The following TRPS1 variants were observed in gnomAD, a reference collection of about 807,000 sequenced individuals.
TRPS1 encodes transcriptional repressor GATA binding 1, also known as zinc finger transcription factor Trps1.
TRPS1 carries 6 observed loss-of-function variants against 101.2 expected under a neutral mutation model. The ratio of observed to expected loss-of-function variants is 0.06; its 90% CI spans 0.03 to 0.12. The LOEUF (loss-of-function observed/expected upper bound fraction) is 0.12. Ranked by LOEUF, TRPS1 falls within the 10% of genes least tolerant of loss-of-function variation. TRPS1 has a pLI of 1.00. For missense variants in TRPS1, 1,363 were observed against 1,567.0 expected (o/e 0.87, Z 2.20); for synonymous variants, 578 against 589.8 (o/e 0.98, Z 0.29).
chr8:115,667,799 G>T, intron 1 of TRPS1: 1 of 1,523,620 alleles, frequency 6.6e-7, no homozygotes, highest in South Asian at 1.2e-5. Flanking sequence ...GTCCTGTGCT[G>T]TTTTCCCACT....
At chr8:115,623,032 T>C (rs1456350197) in intron 2 of TRPS1, among the ~76,000 whole-genome samples, 2 of 152,154 alleles carry the variant, frequency 1.3e-5, no homozygotes, top group Non-Finnish European at 2.9e-5. Context: ...TAATGGGTCA[T>C]AGTTTAAAGA....
At position 115,410,964 on chromosome 8, in the gene TRPS1, C is replaced by A. The variant is rs1812775260; in HGVS notation, c.*3059G>T. ...ATTTAAGATAAAATAATTCAGAAATCTTAAATTAAAAAAATAAATTTTATA... is the reference window on the plus strand; with the variant it reads ...ATTTAAGATAAAATAATTCAGAAATATTAAATTAAAAAAATAAATTTTATA... On this transcript the variant is annotated 3_prime_UTR_variant, in exon 7 of 7. Transcript: ENST00000395715. The A allele has an allele frequency of 6.6e-6, 1 of 151,202 alleles. No individual in the cohort carries two copies. Among genetic ancestry groups the A allele is most frequent in the Non-Finnish European group, 1.5e-5 (1 of 67,812 alleles). 9.4% of individuals were successfully genotyped at this position (151,202 alleles called of 1,614,324 possible).
rs1024926339 is a variant in TRPS1 at position 115,547,199 on chromosome 8, C to G, written c.2700+39802G>C. On this transcript the variant is annotated intron_variant, in intron 5 of 6. Coordinates refer to ENST00000395715, the MANE Select transcript of TRPS1 (RefSeq NM_014112.5). ...TTAAAAGATGCTTTTATTACCCATA[C>G]TTTGTTAAACTGACTTTCTAAGCAT... 2.0e-5 allele frequency among the ~76,000 whole-genome samples: 3 copies of G among 152,058 alleles called. No homozygotes were observed. In the East Asian group the frequency reaches 5.8e-4, roughly 29 times the overall value.
chr8:115,413,929 G>A lies in TRPS1; in HGVS notation c.*94C>T. Reference sequence around the variant, plus strand: ...TGTTGGATAAGGCAGGCTCTATGAAGTATTTTTTTAATAGGTCTTCATAAG... The same window carrying A: ...TGTTGGATAAGGCAGGCTCTATGAAATATTTTTTTAATAGGTCTTCATAAG... On this transcript the variant is annotated 3_prime_UTR_variant, in exon 7 of 7. Coordinates refer to ENST00000395715, the MANE Select transcript of TRPS1 (RefSeq NM_014112.5). 1 of 1,292,480 alleles carries A rather than the reference G, an allele frequency of 7.7e-7. No homozygotes were observed. Among genetic ancestry groups the A allele is most frequent in the Non-Finnish European group, 1.1e-6 (1 of 928,114 alleles). 80.1% of individuals were successfully genotyped at this position (1,292,480 alleles called of 1,614,324 possible). A position where few individuals can be genotyped will look rare whatever the true frequency, so the allele number is the denominator to read the frequency against.
intron 1 of TRPS1, among the ~76,000 whole-genome samples, chr8:115,641,600 A>C (rs1818896534): frequency 6.6e-6 from 1 of 152,188 alleles, no homozygotes; most frequent in African/African-American, 2.4e-5. Context: ...ATTGAAAAAC[A>C]ACTGTGATAT....
At chr8:115,484,638 C>A (rs1814834032) in intron 5 of TRPS1, among the ~76,000 whole-genome samples, 1 of 152,102 alleles carries the variant, frequency 6.6e-6, no homozygotes, top group South Asian at 2.1e-4. Flanking sequence ...AAAAGAGCTT[C>A]AAAAATGACT....
At position 115,498,433 on chromosome 8, in the gene TRPS1, A is replaced by C. The variant is rs1413204648; in HGVS notation, c.2701-79981T>G. Among the ~76,000 whole-genome samples the C allele has an allele frequency of 3.8e-3, 506 of 132,048 alleles. 4 individuals are homozygous for C. Among genetic ancestry groups the C allele is most frequent in the African/African-American group, 0.013 (447 of 35,096 alleles). 86.6% of individuals were successfully genotyped at this position (132,048 alleles called of 152,430 possible). A position where few individuals can be genotyped will look rare whatever the true frequency, so the allele number is the denominator to read the frequency against. On this transcript the variant is annotated intron_variant, in intron 5 of 6. Transcript: ENST00000395715. ...TCTCTCTCTATATATATATATATATATATATATATATATATATAGTTGATT... is the reference window on the plus strand; with the variant it reads ...TCTCTCTCTATATATATATATATATCTATATATATATATATATAGTTGATT...
intron 5 of TRPS1, among the ~76,000 whole-genome samples, chr8:115,566,405 C>A (rs1215552684): frequency 2.0e-5 from 3 of 152,104 alleles, no homozygotes; most frequent in South Asian, 4.1e-4. Flanking sequence ...GGAAGTGATG[C>A]AGATCTAGAA....
intron 5 of TRPS1, among the ~76,000 whole-genome samples, chr8:115,508,237 T>A (rs1815494733): frequency 6.6e-6 from 1 of 152,108 alleles, no homozygotes; most frequent in African/African-American, 2.4e-5. Context: ...TTGATGTATA[T>A]CACAAATATA....
chr8:115,484,264 A>G (rs1214320147), intron 5 of TRPS1, among the ~76,000 whole-genome samples: 1 of 152,216 alleles, frequency 6.6e-6, no homozygotes, highest in Non-Finnish European at 1.5e-5. Flanking sequence ...AAGCTTAAAA[A>G]AAAATCTGTT....
At chr8:115,575,802 G>A (rs1400320076) in intron 5 of TRPS1, among the ~76,000 whole-genome samples, 3 of 152,218 alleles carry the variant, frequency 2.0e-5, no homozygotes, top group South Asian at 4.1e-4. Context: ...ATTTCAGTGG[G>A]ATGAAACTGA....
At chr8:115,663,721 G>GAAAAAAAAAAA (rs1201864123) in intron 1 of TRPS1, among the ~76,000 whole-genome samples, 2 of 76,780 alleles carry the variant, frequency 2.6e-5, no homozygotes, top group African/African-American at 7.2e-5. Flanking sequence ...CTTGGAAAAG[G>GAAAAAAAAAAA]AAAAAAAAAA....
At chr8:115,495,488 T>C (rs1815127323) in intron 5 of TRPS1, among the ~76,000 whole-genome samples, 1 of 148,880 alleles carries the variant, frequency 6.7e-6, no homozygotes, top group Admixed American at 6.7e-5. Context: ...ATTTAAATTA[T>C]ATATAAATTT....
intron 5 of TRPS1, among the ~76,000 whole-genome samples, chr8:115,536,870 T>C (rs1816337868): frequency 6.6e-6 from 1 of 151,676 alleles, no homozygotes; most frequent in Non-Finnish European, 1.5e-5. Context: ...AATATTAACA[T>C]AAATTTGAAG....
At chr8:115,542,113 A>G (rs1432439138) in intron 5 of TRPS1, among the ~76,000 whole-genome samples, 1 of 152,266 alleles carries the variant, frequency 6.6e-6, no homozygotes, top group African/African-American at 2.4e-5. Flanking sequence ...GTCACATCAC[A>G]GCACAATAAG....
chr8:115,428,473 C>T (rs926673212), intron 5 of TRPS1, among the ~76,000 whole-genome samples: 10 of 152,156 alleles, frequency 6.6e-5, no homozygotes, highest in Admixed American at 1.3e-4. Flanking sequence ...GATGTTAAAA[C>T]GCAGCCTTGA....
chr8:115,475,270 ATATATAT>A (rs1563757459), intron 5 of TRPS1, among the ~76,000 whole-genome samples: 6 of 24,614 alleles, frequency 2.4e-4, no homozygotes, highest in African/African-American at 4.7e-4. Flanking sequence ...TCACAGTTAT[ATATATAT>A]ATATATATAT....
chr8:115,576,051 C>T (rs1315436607), intron 5 of TRPS1, among the ~76,000 whole-genome samples: 4 of 152,110 alleles, frequency 2.6e-5, no homozygotes, highest in Non-Finnish European at 2.9e-5. Flanking sequence ...GTCACTTTCT[C>T]ATAGAATTAT....
intron 5 of TRPS1, among the ~76,000 whole-genome samples, chr8:115,427,897 C>CA (rs995215896): frequency 6.0e-5 from 9 of 150,844 alleles, no homozygotes; most frequent in African/African-American, 9.7e-5. Context: ...CCTGCTGTGT[C>CA]AAAAAAAATA....
Sources: allele counts gnomAD v4.1 joint callset (sites outside exome capture counted in the v4.1 genomes callset), GRCh38; gene constraint gnomAD v4.1.1; transcripts MANE v1.5; gene names NCBI Gene and HGNC (gene_info 2026-07-23, HGNC 2026-07-21).